The following PANK2 variants were observed in gnomAD, a reference collection of about 807,000 sequenced individuals.
PANK2 encodes the protein pantothenate kinase 2, mitochondrial.
A neutral mutation model predicts 43.1 loss-of-function variants in PANK2; 36 were observed. That is an observed-to-expected ratio of 0.84 (90% confidence interval 0.64 to 1.10). PANK2 has a LOEUF of 1.10. Among genes scored for constraint, PANK2 ranks in the 50% least tolerant of loss-of-function variants. PANK2 has a pLI of 0.00. For synonymous variants in PANK2, 281 were observed against 238.2 expected, an observed-to-expected ratio of 1.18 and a Z score of -1.66; for missense variants, 576 against 593.3, an observed-to-expected ratio of 0.97 and a Z score of 0.30.
chr20:3,892,230 G>C (rs758007395), intron 1 of PANK2, among the ~76,000 whole-genome samples: 1 of 152,168 alleles, frequency 6.6e-6, no homozygotes. Flanking sequence ...TGTAATCCCA[G>C]CTACTCAGGA....
In PANK2 at chr20:3,903,017, A is replaced by C. The variant is rs1333391261; in HGVS notation, c.299-4909A>C. On this transcript the variant is annotated intron_variant, in intron 1 of 6. Transcript: ENST00000610179. ...CACACACACACACACACACACACAC[A>C]CCCCTTTTACCCCCAAACAAGAGTT... 5.0e-5 allele frequency among the ~76,000 whole-genome samples: 6 copies of C among 118,838 alleles called. No individual in the cohort carries two copies. In the South Asian group the frequency reaches 1.2e-3, roughly 23 times the overall value. The allele number at this position is 118,838 out of a possible 152,430, so 78.0% of individuals were successfully genotyped here. A position where few individuals can be genotyped will look rare whatever the true frequency, so the allele number is the denominator to read the frequency against.
chr20:3,901,175 G>A (rs2090294888), intron 1 of PANK2, among the ~76,000 whole-genome samples: 1 of 151,272 alleles, frequency 6.6e-6, no homozygotes, highest in African/African-American at 2.4e-5. Context: ...TCCTGCCTCA[G>A]CCCCTGGAGT....
chr20:3,923,154 G>A, intron 6 of PANK2, 90 bp from the exon 7 acceptor site: 1 of 1,424,524 alleles, frequency 7.0e-7, no homozygotes, highest in Non-Finnish European at 9.9e-7. Context: ...TGTGTGGGCA[G>A]TGGTTGGCTT....
intron 4 of PANK2, among the ~76,000 whole-genome samples, chr20:3,913,152 G>A (rs934766487): frequency 1.3e-5 from 2 of 151,756 alleles, no homozygotes; most frequent in African/African-American, 4.8e-5. Flanking sequence ...CATTAGCTAC[G>A]ACTCTCCATT....
In PANK2 at chr20:3,889,670, C is replaced by T. The variant is rs137852960; in HGVS notation, c.240C>T (p.Tyr80=). 1.3e-6 allele frequency: 2 copies of T among 1,590,800 alleles called. No homozygotes were observed. The highest frequency in any genetic ancestry group is 1.7e-6 in the Non-Finnish European group (2 of 1,176,880). The change falls in exon 1 of 7, where the codon TAC becomes TAT. Residue 80 remains tyrosine (Y), a synonymous_variant. Coordinates refer to ENST00000610179, the MANE Select transcript of PANK2 (RefSeq NM_001386393.1). ...CGAGGCGGGATCGACTGGGCTCTTACAGCGGCCCCACCTCGGTCTCCCGCC... is the reference window on the plus strand; with the variant it reads ...CGAGGCGGGATCGACTGGGCTCTTATAGCGGCCCCACCTCGGTCTCCCGCC...
intron 6 of PANK2, among the ~76,000 whole-genome samples, chr20:3,920,939 C>G (rs1224481423): frequency 6.6e-6 from 1 of 152,182 alleles, no homozygotes; most frequent in Non-Finnish European, 1.5e-5. Flanking sequence ...TGCTCGCTGA[C>G]TTTGTTTTTC....
intron 3 of PANK2, among the ~76,000 whole-genome samples, 178 bp downstream of exon 3, chr20:3,911,008 T>C (rs1156921666): frequency 1.3e-5 from 2 of 152,250 alleles, no homozygotes; most frequent in Non-Finnish European, 2.9e-5. Flanking sequence ...TAATCTCTAC[T>C]GTTCAAGATT....
rs2090258355 is a variant in PANK2, at chr20:3,899,167, C to A, written c.299-8759C>A. On this transcript the variant is annotated intron_variant, in intron 1 of 6. Transcript: ENST00000610179. The stretch of plus-strand genomic sequence containing the variant: ...GGGATTACAGGCGTGAGCCACCGTG[C>A]CCAGCCGGGTTTTTTTTTTTTTGAG... Among the ~76,000 whole-genome samples the A allele has an allele frequency of 2.0e-5, 3 of 149,782 alleles. 1 individual carries two copies. In the South Asian group the frequency reaches 6.4e-4, roughly 32 times the overall value.
intron 1 of PANK2, among the ~76,000 whole-genome samples, chr20:3,895,838 G>C (rs146903428): frequency 1.4e-4 from 21 of 152,244 alleles, no homozygotes; most frequent in African/African-American, 4.1e-4. Flanking sequence ...TGAATTTGCT[G>C]ATTTTACGGT....
At chr20:3,914,083 C>T (rs1202117887) in intron 4 of PANK2, among the ~76,000 whole-genome samples, 2 of 151,978 alleles carry the variant, frequency 1.3e-5, no homozygotes, top group East Asian at 3.9e-4. Context: ...GCCACTGCGC[C>T]TGGCCTGCAC....
rs1217250105 is a variant in PANK2 at position 3,928,090 on chromosome 20, G to C, written c.*4796G>C. 1 of 152,100 alleles carries C rather than the reference G, an allele frequency of 6.6e-6. No homozygotes were observed. Among genetic ancestry groups the C allele is most frequent in the African/African-American group, 2.4e-5 (1 of 41,424 alleles). The allele number at this position is 152,100 out of a possible 1,614,324, so 9.4% of individuals were successfully genotyped here. ...ATCTTTACTAAAGAACCGTGAACCAGCATTTTCCAGTTATCAACTGGATAT... is the reference window on the plus strand; with the variant it reads ...ATCTTTACTAAAGAACCGTGAACCACCATTTTCCAGTTATCAACTGGATAT... On this transcript the variant is annotated 3_prime_UTR_variant, in exon 7 of 7. Transcript: ENST00000610179.
At position 3,910,557 on chromosome 20, in the gene PANK2, A is replaced by C. The variant is rs1408925857; in HGVS notation, c.652-20A>C. ...TGTTGGCTTATTAAAAAGTCTGAGT[A>C]CATTCTTATTTCATTACAGATAGGT... On this transcript the variant is annotated intron_variant, in intron 2 of 6. Coordinates refer to ENST00000610179, the MANE Select transcript of PANK2 (RefSeq NM_001386393.1). The C allele has an allele frequency of 6.2e-7, 1 of 1,613,926 alleles. No individual in the cohort carries two copies. Among genetic ancestry groups the C allele is most frequent in the Non-Finnish European group, 8.5e-7 (1 of 1,179,922 alleles).
At position 3,895,504 on chromosome 20, in the gene PANK2, T is replaced by C. The variant is rs1164266694; in HGVS notation, c.298+5776T>C. Among the ~76,000 whole-genome samples, 21 of 151,132 alleles carry C rather than the reference T, an allele frequency of 1.4e-4. No homozygotes were observed. The South Asian group carries it at 3.7e-3, about 27-fold the overall frequency. ...TCTCCGTTTTTTTTTTTTTCTTTTT[T>C]TTTTTCTCAAAACATTTCAAAAAAT... On this transcript the variant is annotated intron_variant, in intron 1 of 6. Transcript: ENST00000610179.
intron 5 of PANK2, 80 bp from the exon 6 acceptor site, chr20:3,918,591 A>C: frequency 1.3e-6 from 2 of 1,581,636 alleles, no homozygotes; most frequent in Non-Finnish European, 1.7e-6. Flanking sequence ...AGCTATGCAC[A>C]TGGTGCTGTA....
At chr20:3,903,812 A>G (rs1157860977) in intron 1 of PANK2, among the ~76,000 whole-genome samples, 1 of 151,822 alleles carries the variant, frequency 6.6e-6, no homozygotes, top group East Asian at 1.9e-4. Flanking sequence ...TATTTTTAGT[A>G]GAGACGTGGT....
At chr20:3,899,897 C>T (rs530411312) in intron 1 of PANK2, among the ~76,000 whole-genome samples, 14 of 151,608 alleles carry the variant, frequency 9.2e-5, no homozygotes, top group African/African-American at 2.7e-4. Context: ...TTAGTAGAGA[C>T]GGGGTTTCAC....
rs761847451 is a variant in PANK2, at chr20:3,924,348, G to C, written c.*1054G>C. ...GGCAAGGATGGGCCTGTACAAAGCAGCCTTGGACCAGGAGGGAAAACCCCA... is the reference window on the plus strand; with the variant it reads ...GGCAAGGATGGGCCTGTACAAAGCACCCTTGGACCAGGAGGGAAAACCCCA... On this transcript the variant is annotated 3_prime_UTR_variant, in exon 7 of 7. Transcript: ENST00000610179. 3.3e-5 allele frequency: 5 copies of C among 152,312 alleles called. No individual in the cohort carries two copies. The highest frequency in any genetic ancestry group is 5.9e-5 in the Non-Finnish European group (4 of 68,094). The allele number at this position is 152,312 out of a possible 1,614,324, so 9.4% of individuals were successfully genotyped here.
intron 2 of PANK2, chr20:3,908,805 G>GA: frequency 5.8e-6 from 1 of 171,062 alleles, no homozygotes; most frequent in Non-Finnish European, 1.3e-5. Flanking sequence ...GATGTGTTCT[G>GA]TGCTGCACAC....
chr20:3,895,945 T>C (rs139391411), intron 1 of PANK2, among the ~76,000 whole-genome samples: 34 of 152,352 alleles, frequency 2.2e-4, no homozygotes, highest in African/African-American at 5.5e-4. Context: ...GGCCAAGATA[T>C]TGCTTTCCTA....
Sources: allele counts gnomAD v4.1 joint callset (sites outside exome capture counted in the v4.1 genomes callset), GRCh38; gene constraint gnomAD v4.1.1; transcripts MANE v1.5; gene names NCBI Gene and HGNC (gene_info 2026-07-23, HGNC 2026-07-21).